Variants in ENOX1 observed in about 807,000 individuals in gnomAD.
ENOX1 encodes the protein candidate growth-related and time keeping constitutive hydroquinone (NADH) oxidase.
ENOX1 carries 42 observed loss-of-function variants against 82.5 expected under a neutral mutation model. That is an observed-to-expected ratio of 0.51 (90% CI 0.40 to 0.66). ENOX1 has a LOEUF of 0.66. ENOX1 is among the 30% of genes least tolerant of loss of function. The pLI, the probability that ENOX1 is intolerant of heterozygous loss-of-function variation, is 0.00. For synonymous variants in ENOX1, 271 were observed against 282.2 expected (o/e 0.96, Z 0.40); for missense variants, 608 against 811.6 (o/e 0.75, Z 3.05).
chr13:43,616,120 C>CTATCTA (rs1594110306), intron 2 of ENOX1, among the ~76,000 whole-genome samples: 7 of 11,356 alleles, frequency 6.2e-4, no homozygotes, highest in African/African-American at 1.7e-3. Context: ...ATCTATAGAT[C>CTATCTA]TATAGATATC....
At chr13:43,299,401 A>C (rs563696365) in intron 11 of ENOX1, among the ~76,000 whole-genome samples, 2 of 152,238 alleles carry the variant, frequency 1.3e-5, no homozygotes, top group East Asian at 3.9e-4. Flanking sequence ...CCTGCTGAGC[A>C]CTCATAAAGC....
intron 9 of ENOX1, among the ~76,000 whole-genome samples, chr13:43,338,627 G>A (rs1023290794): frequency 3.4e-5 from 5 of 148,170 alleles, no homozygotes; most frequent in African/African-American, 7.5e-5. Flanking sequence ...GAGAAAAATC[G>A]CCCTACACAG....
chr13:43,559,014 C>T (rs1034042672), intron 2 of ENOX1, among the ~76,000 whole-genome samples: 2 of 152,180 alleles, frequency 1.3e-5, no homozygotes, highest in Non-Finnish European at 2.9e-5. Flanking sequence ...GCAAACCACT[C>T]GGCTTCCATA....
At chr13:43,627,686 C>T (rs993601270) in intron 2 of ENOX1, among the ~76,000 whole-genome samples, 2 of 152,058 alleles carry the variant, frequency 1.3e-5, no homozygotes, top group African/African-American at 4.8e-5. Flanking sequence ...CCCATGTTTA[C>T]ACATGCTTTT....
At chr13:43,229,967 C>T (rs1362945517) in intron 15 of ENOX1, among the ~76,000 whole-genome samples, 1 of 152,090 alleles carries the variant, frequency 6.6e-6, no homozygotes, top group Non-Finnish European at 1.5e-5. Context: ...TATTAAATGG[C>T]AGCTGGAGAT....
In ENOX1 at chr13:43,283,752, A is replaced by AT. The variant is rs575411895; in HGVS notation, c.1447-14176dup. ...AAGTGTTAGCAACTGTACCTGGCCT[A>AT]TTTTTTTTTCAATAGAAATTGGATG... On this transcript the variant is annotated intron_variant, in intron 12 of 16. Coordinates refer to ENST00000690772, the MANE Select transcript of ENOX1 (RefSeq NM_001347969.2). 2.5e-3 allele frequency among the ~76,000 whole-genome samples: 364 copies of AT among 147,906 alleles called. 3 individuals carry two copies. Among genetic ancestry groups the AT allele is most frequent in the African/African-American group, 7.1e-3 (284 of 40,172 alleles).
chr13:43,694,352 T>A (rs1419358325), intron 1 of ENOX1, among the ~76,000 whole-genome samples: 1 of 152,188 alleles, frequency 6.6e-6, no homozygotes. Flanking sequence ...AGTAACTCCC[T>A]CAGCTCTTAT....
chr13:43,726,751 TGTGAGA>T lies in ENOX1; in HGVS notation c.-284-59213_-284-59208del, dbSNP rs1346762111. On this transcript the variant is annotated intron_variant, in intron 1 of 16. Transcript: ENST00000690772. ...GTGTGTGTGTGTGTGTGTGTGTGTGTGTGAGAGAGAGACAGGGTCTCACTGTGTCAC... is the reference window on the plus strand; with the variant it reads ...GTGTGTGTGTGTGTGTGTGTGTGTGTGAGAGACAGGGTCTCACTGTGTCAC... Among the ~76,000 whole-genome samples the T allele has an allele frequency of 9.5e-3, 1,256 of 132,502 alleles. 16 individuals carry two copies. Among genetic ancestry groups the T allele is most frequent in the African/African-American group, 0.034 (1,188 of 35,000 alleles). 86.9% of individuals were successfully genotyped at this position (132,502 alleles called of 152,430 possible).
At chr13:43,216,583 A>T (rs2041499191) in intron 16 of ENOX1, among the ~76,000 whole-genome samples, 1 of 152,076 alleles carries the variant, frequency 6.6e-6, no homozygotes, top group Non-Finnish European at 1.5e-5. Context: ...TTGGAGGAGG[A>T]CAGCACAGAT....
chr13:43,253,578 G>A (rs562571214), intron 14 of ENOX1, among the ~76,000 whole-genome samples: 34 of 152,316 alleles, frequency 2.2e-4, no homozygotes, highest in East Asian at 5.8e-4. Context: ...CTGGTCTCAC[G>A]TGTGGTTAGC....
chr13:43,449,645 A>T (rs2056850896), intron 3 of ENOX1, among the ~76,000 whole-genome samples: 1 of 152,200 alleles, frequency 6.6e-6, no homozygotes, highest in South Asian at 2.1e-4. Flanking sequence ...AACAAACATG[A>T]AATACTTCTA....
chr13:43,736,510 G>A (rs553713792), intron 1 of ENOX1, among the ~76,000 whole-genome samples: 18 of 152,188 alleles, frequency 1.2e-4, no homozygotes, highest in Non-Finnish European at 2.5e-4. Flanking sequence ...AGAGCCATCA[G>A]GTGAGCAAGC....
At chr13:43,537,556 T>C (rs933632915) in intron 2 of ENOX1, among the ~76,000 whole-genome samples, 8 of 152,222 alleles carry the variant, frequency 5.3e-5, no homozygotes, top group Admixed American at 1.3e-4. Flanking sequence ...GCAGAAGTAA[T>C]GATGACTGCG....
At chr13:43,246,121 G>A (rs1212972088) in intron 14 of ENOX1, among the ~76,000 whole-genome samples, 1 of 152,212 alleles carries the variant, frequency 6.6e-6, no homozygotes, top group Non-Finnish European at 1.5e-5. Flanking sequence ...TATGCAGGAA[G>A]TGTTATAAGC....
At chr13:43,257,714 A>G (rs556587377) in intron 14 of ENOX1, among the ~76,000 whole-genome samples, 15 of 152,316 alleles carry the variant, frequency 9.8e-5, no homozygotes, top group Admixed American at 2.6e-4. Context: ...ATGTATGTAT[A>G]TTGGCTCTAT....
intron 2 of ENOX1, among the ~76,000 whole-genome samples, chr13:43,486,704 T>C (rs2076433292): frequency 2.0e-5 from 3 of 152,140 alleles, no homozygotes; most frequent in Non-Finnish European, 4.4e-5. Flanking sequence ...GGCGGGGGTG[T>C]TCCTGCTTCA....
intron 12 of ENOX1, among the ~76,000 whole-genome samples, chr13:43,273,347 TGA>T (rs1031929389): frequency 2.0e-5 from 3 of 152,152 alleles, no homozygotes; most frequent in South Asian, 2.1e-4. Flanking sequence ...CCGACACTCC[TGA>T]GAGAGTTGAC....
At chr13:43,556,138 G>T (rs1023379926) in intron 2 of ENOX1, among the ~76,000 whole-genome samples, 3 of 151,962 alleles carry the variant, frequency 2.0e-5, no homozygotes, top group Admixed American at 2.0e-4. Context: ...GTAAATAATT[G>T]TATTTTTTCT....
At chr13:43,496,290 T>A (rs1006253143) in intron 2 of ENOX1, among the ~76,000 whole-genome samples, 4 of 152,124 alleles carry the variant, frequency 2.6e-5, no homozygotes. Flanking sequence ...TAATTCAAAG[T>A]ATATACTTTG....
Sources: allele counts gnomAD v4.1 joint callset (sites outside exome capture counted in the v4.1 genomes callset), GRCh38; gene constraint gnomAD v4.1.1; transcripts MANE v1.5; gene names NCBI Gene and HGNC (gene_info 2026-07-23, HGNC 2026-07-21).